CEP85L: variants seen among roughly 807,000 people sequenced by gnomAD.
CEP85L encodes centrosomal protein of 85 kDa-like.
A neutral mutation model predicts 100.3 loss-of-function variants in CEP85L; 60 were observed. The observed-to-expected ratio is 0.60, with a 90% CI of 0.49 to 0.74. The LOEUF is 0.74. CEP85L is among the 30% of genes least tolerant of loss of function. The pLI is 0.00. For missense variants in CEP85L, 973 were observed against 936.2 expected (o/e 1.04, Z -0.51); for synonymous variants, 319 against 322.7 (o/e 0.99, Z 0.12).
chr6:118,508,278 A>G (rs1370325645), intron 5 of CEP85L, among the ~76,000 whole-genome samples: 1 of 152,188 alleles, frequency 6.6e-6, no homozygotes, highest in African/African-American at 2.4e-5. Flanking sequence ...GAAAAAGAAT[A>G]AAATGGAAAG....
rs532180480 is a variant in CEP85L, at chr6:118,538,021, C to T, written c.1021-14101G>A. 2.2e-3 allele frequency: 1,370 copies of T among 635,460 alleles called. 3 individuals are homozygous for T. Among genetic ancestry groups the T allele is most frequent in the Non-Finnish European group, 2.6e-3 (1,308 of 510,818 alleles). 39.4% of individuals were successfully genotyped at this position (635,460 alleles called of 1,614,324 possible). On this transcript the variant is annotated intron_variant, in intron 3 of 12. Coordinates refer to ENST00000368491, the MANE Select transcript of CEP85L (RefSeq NM_001042475.3). Reference sequence around the variant, plus strand: ...ACAAATAACATAAAATTTAAAGAATCTTTATTCACCAAGAGAAGGAAAATA... The same window carrying T: ...ACAAATAACATAAAATTTAAAGAATTTTTATTCACCAAGAGAAGGAAAATA...
chr6:118,471,911 T>C (rs911955604), intron 10 of CEP85L, among the ~76,000 whole-genome samples: 3 of 151,886 alleles, frequency 2.0e-5, no homozygotes, highest in African/African-American at 4.8e-5. Flanking sequence ...TAGCTGAAGA[T>C]CTATCCTTTC....
intron 3 of CEP85L, among the ~76,000 whole-genome samples, chr6:118,547,714 T>C (rs1487336781): frequency 6.6e-6 from 1 of 152,134 alleles, no homozygotes; most frequent in Non-Finnish European, 1.5e-5. Context: ...CATTTATTAG[T>C]TCTTTAACTG....
chr6:118,531,447 C>T (rs1451772081), intron 3 of CEP85L, among the ~76,000 whole-genome samples: 4 of 152,064 alleles, frequency 2.6e-5, no homozygotes, highest in Non-Finnish European at 4.4e-5. Context: ...TGGACACAGG[C>T]CTTGGCAAAG....
At chr6:118,653,265 AAAGCAAACAGTAAAAACATGTTGCTCT>A, upstream of CEP85L, among the ~76,000 whole-genome samples, 1 of 152,358 alleles carries the variant, frequency 6.6e-6, no homozygotes, top group Non-Finnish European at 1.5e-5. Context: ...TTACAGAGTA[AAAGCAAACAGTAAAAACATGTTGCTCT>A]TTTGGCACTT....
intron 3 of CEP85L, among the ~76,000 whole-genome samples, chr6:118,527,696 A>G (rs1459767322): frequency 2.0e-5 from 3 of 152,192 alleles, no homozygotes; most frequent in Non-Finnish European, 4.4e-5. Flanking sequence ...ACTAATTCCA[A>G]AACTCAAAGT....
intron 4 of CEP85L, among the ~76,000 whole-genome samples, chr6:118,513,990 G>A (rs963870795): frequency 1.8e-4 from 27 of 151,968 alleles, no homozygotes; most frequent in African/African-American, 5.8e-4. Context: ...CAGCTCAAAG[G>A]CTAGAAGAGA....
rs1772730391 is a variant in CEP85L at position 118,468,926 on chromosome 6, TA to T, written c.2254+145del. 21 of 613,546 alleles carry T rather than the reference TA, an allele frequency of 3.4e-5. No individual in the cohort carries two copies. In the South Asian group the frequency reaches 4.3e-4, roughly 12 times the overall value. The allele number at this position is 613,546 out of a possible 1,614,324, so 38.0% of individuals were successfully genotyped here. A position where few individuals can be genotyped will look rare whatever the true frequency, so the allele number is the denominator to read the frequency against. ...CTACTCACTTCTTGCAATGAAGTAATAACAGGTATACATAAACCCACAGACT... is the reference window on the plus strand; with the variant it reads ...CTACTCACTTCTTGCAATGAAGTAATACAGGTATACATAAACCCACAGACT... On this transcript the variant is annotated intron_variant, in intron 12 of 12. Coordinates refer to ENST00000368491, the MANE Select transcript of CEP85L (RefSeq NM_001042475.3).
intron 5 of CEP85L, among the ~76,000 whole-genome samples, chr6:118,497,090 G>A (rs1014360277): frequency 6.6e-6 from 1 of 152,192 alleles, no homozygotes; most frequent in Non-Finnish European, 1.5e-5. Context: ...GGAAGAAATG[G>A]ATAGCGACCC....
At chr6:118,658,192 C>G (rs185518291) in intron 1 of CEP85L, among the ~76,000 whole-genome samples, 1 of 152,222 alleles carries the variant, frequency 6.6e-6, no homozygotes, top group Admixed American at 6.5e-5. Flanking sequence ...CTACAATTTT[C>G]AGGTTTATGG....
intron 1 of CEP85L, among the ~76,000 whole-genome samples, chr6:118,691,533 C>CAAAAAAAA (rs372306868): frequency 1.2e-4 from 11 of 88,656 alleles, no homozygotes; most frequent in South Asian, 3.7e-4. Flanking sequence ...AACTCCATCT[C>CAAAAAAAA]AAAAAAAAAA....
intron 1 of CEP85L, among the ~76,000 whole-genome samples, chr6:118,650,987 G>A (rs1775515215): frequency 6.6e-6 from 1 of 152,274 alleles, no homozygotes; most frequent in South Asian, 2.1e-4. Context: ...CGGCGGGGAC[G>A]ACGGGATGCG....
intron 6 of CEP85L, 166 bp downstream of exon 6, chr6:118,491,520 T>C (rs1774570079): frequency 7.3e-7 from 1 of 1,369,342 alleles, no homozygotes; most frequent in African/African-American, 1.5e-5. Context: ...AATCCTTGGA[T>C]TTCTGCAGAC....
intron 1 of CEP85L, chr6:118,646,953 AG>A (rs1450129642): frequency 1.0e-6 from 1 of 985,310 alleles, no homozygotes; most frequent in Non-Finnish European, 1.2e-6. Flanking sequence ...CATTCAAGCC[AG>A]GAAGTGATCA....
chr6:118,485,878 GCTCT>G (rs1045476555), intron 6 of CEP85L, among the ~76,000 whole-genome samples: 4 of 152,154 alleles, frequency 2.6e-5, no homozygotes, highest in African/African-American at 7.2e-5. Context: ...TTTACTTAAT[GCTCT>G]CTAACTTGGA....
chr6:118,522,252 T>C (rs1408473306), intron 4 of CEP85L, among the ~76,000 whole-genome samples: 3 of 151,984 alleles, frequency 2.0e-5, no homozygotes, highest in Non-Finnish European at 4.4e-5. Context: ...CCCAGCTACT[T>C]GGGAGGCTGA....
chr6:118,500,161 G>A (rs1775186783), intron 5 of CEP85L, among the ~76,000 whole-genome samples: 1 of 150,426 alleles, frequency 6.6e-6, no homozygotes, highest in African/African-American at 2.5e-5. Flanking sequence ...TTTTTAATTA[G>A]CCAGGCATGG....
At position 118,592,993 on chromosome 6, in the gene CEP85L, C is replaced by G. The variant is rs550951904; in HGVS notation, c.233-26677G>C. On this transcript the variant is annotated intron_variant, in intron 2 of 12. Coordinates refer to ENST00000368491, the MANE Select transcript of CEP85L (RefSeq NM_001042475.3). ...AAAAAAAAGAAAAAGATAGTGAGAA[C>G]AAGAAGATATTTTACATTAAGATGA... Among the ~76,000 whole-genome samples, 396 of 151,786 alleles carry G rather than the reference C, an allele frequency of 2.6e-3. 2 individuals are homozygous for G. The highest frequency in any genetic ancestry group is 5.0e-3 in the Non-Finnish European group (339 of 67,868).
At chr6:118,477,791 T>C (rs1036769676) in intron 10 of CEP85L, among the ~76,000 whole-genome samples, 6 of 152,156 alleles carry the variant, frequency 3.9e-5, no homozygotes, top group Non-Finnish European at 8.8e-5. Flanking sequence ...ATATCCCAAC[T>C]ATAGCGTCAG....
Sources: gnomAD v4.1 joint callset for allele counts (sites outside exome capture counted in the v4.1 genomes callset) on GRCh38, gnomAD v4.1.1 for gene constraint, MANE v1.5 for transcripts, NCBI Gene and HGNC (gene_info 2026-07-23, HGNC 2026-07-21) for gene names.